LAMB4: variants seen among roughly 807,000 people sequenced by gnomAD.
The protein encoded by LAMB4 is laminin subunit beta 4, also known as laminin subunit beta-4.
A neutral mutation model predicts 199.2 loss-of-function variants in LAMB4; 196 were observed. That is an observed-to-expected ratio of 0.98 (90% CI 0.88 to 1.11). LAMB4 has a LOEUF of 1.11. LAMB4 is among the 50% of genes least tolerant of loss of function. The probability of loss-of-function intolerance (pLI) is 0.00; values close to 1 mark genes in which losing one functional copy is unlikely to be tolerated. For missense variants in LAMB4, 2,080 were observed against 2,171.2 expected (o/e 0.96, Z 0.83); for synonymous variants, 744 against 770.6 (o/e 0.97, Z 0.57).
intron 3 of LAMB4, among the ~76,000 whole-genome samples, chr7:108,114,887 C>T (rs17154998): frequency 0.054 from 8,268 of 152,196 alleles, 726 homozygotes; most frequent in African/African-American, 0.18. Flanking sequence ...GCCACTTATC[C>T]TTTTATAAAA....
Position 108,079,738 on chromosome 7 carries a change from C to T in LAMB4, c.1750G>A (p.Glu584Lys), listed in dbSNP as rs2150578811. 1 of 1,609,590 alleles carries T rather than the reference C, an allele frequency of 6.2e-7. No homozygotes were observed. The highest frequency in any genetic ancestry group is 2.2e-5 in the East Asian group (1 of 44,652). ...QSPAVHVVLG[E>K]PVPGNPVTWT... ...GTAACAGGGTTCCCAGGAACTGGCT[C>T]TCCTAAAACAACGTGAACAGCAGGA... The change falls in exon 15 of 34, where the codon GAG becomes AAG. Residue 584 changes from glutamate (E) to lysine (K), a missense_variant. Glu to Lys is a moderately conservative substitution (Grantham distance 56). Coordinates refer to ENST00000388781, the MANE Select transcript of LAMB4 (RefSeq NM_007356.3).
At position 108,116,156 on chromosome 7, in the gene LAMB4, G is replaced by A; in HGVS notation, c.40C>T (p.Leu14Phe). ...TCATCTTGAGCTTTTGAGTAACTGA[G>A]CCACCCTTGAACACAACAGAAATAG... is the stretch of plus-strand genomic sequence containing the variant. ...QLTLFLHLGWLSYSKAQDDCN... is the reference protein window; with the variant it reads ...QLTLFLHLGWFSYSKAQDDCN... Residue 14 changes from leucine (L) to phenylalanine (F), a missense_variant, in exon 3 of 34, where the codon CTC (leucine) becomes TTC (phenylalanine). By Grantham distance (22) the Leu-to-Phe change is conservative. Transcript: ENST00000388781. The A allele has an allele frequency of 6.2e-7, 1 of 1,613,700 alleles. No homozygotes were observed. The highest frequency in any genetic ancestry group is 1.7e-4 in the Middle Eastern group (1 of 6,056).
intron 1 of LAMB4, 132 bp from the exon 2 acceptor site, chr7:108,123,329 G>C: frequency 2.2e-6 from 1 of 445,904 alleles, no homozygotes; most frequent in Non-Finnish European, 4.0e-6. Flanking sequence ...ACACTGTCCA[G>C]ATCCTCAAAA....
At chr7:108,061,413 T>C (rs1280664677) in intron 23 of LAMB4, among the ~76,000 whole-genome samples, 1 of 152,146 alleles carries the variant, frequency 6.6e-6, no homozygotes, top group Non-Finnish European at 1.5e-5. Flanking sequence ...TTCACAAATA[T>C]ATTCTAAAAT....
chr7:108,081,269 C>T (rs868576092), intron 14 of LAMB4, among the ~76,000 whole-genome samples: 7 of 152,138 alleles, frequency 4.6e-5, no homozygotes, highest in Non-Finnish European at 1.0e-4. Context: ...GAGGATTGCT[C>T]TTTCACATCT....
At chr7:108,057,426 A>G (rs895742576) in intron 24 of LAMB4, among the ~76,000 whole-genome samples, 1 of 152,124 alleles carries the variant, frequency 6.6e-6, no homozygotes, top group Non-Finnish European at 1.5e-5. Context: ...AATGAGCAAT[A>G]TTTTTTAGCC....
intron 1 of LAMB4, among the ~76,000 whole-genome samples, chr7:108,129,242 C>G (rs2038898576): frequency 6.6e-6 from 1 of 152,198 alleles, no homozygotes; most frequent in African/African-American, 2.4e-5. Flanking sequence ...TTGATAAGAG[C>G]CTCTCCGCAG....
chr7:108,097,271 G>T (rs2037643485), intron 11 of LAMB4, among the ~76,000 whole-genome samples: 2 of 152,182 alleles, frequency 1.3e-5, no homozygotes, highest in South Asian at 4.1e-4. Flanking sequence ...TTTACCCAGG[G>T]TTTCTGAGGA....
chr7:108,034,077 CA>C, intron 31 of LAMB4, 130 bp downstream of exon 31: 1 of 909,926 alleles, frequency 1.1e-6, no homozygotes, highest in Non-Finnish European at 1.7e-6. Context: ...TAATACTACC[CA>C]AATCTTATTT....
At chr7:108,015,330 G>T in the LAMB4 span, among the ~76,000 whole-genome samples, 2 of 152,146 alleles carry the variant, frequency 1.3e-5, no homozygotes, top group Non-Finnish European at 2.9e-5. Context: ...CCCATGGTAC[G>T]AATCTTAGGA....
intron 1 of LAMB4, among the ~76,000 whole-genome samples, chr7:108,124,681 CATT>C (rs947855058): frequency 2.0e-5 from 3 of 151,862 alleles, no homozygotes; most frequent in South Asian, 2.1e-4. Flanking sequence ...AAAACAACCT[CATT>C]ATAATTTATT....
At chr7:108,026,743 A>T in intron 33 of LAMB4, 1 of 314,014 alleles carries the variant, frequency 3.2e-6, no homozygotes, top group South Asian at 2.7e-5. Context: ...TCCATTCCCC[A>T]CTCTCTCAAC....
At chr7:108,070,808 AC>A (rs905526306) in intron 17 of LAMB4, among the ~76,000 whole-genome samples, 1 of 152,058 alleles carries the variant, frequency 6.6e-6, no homozygotes. Context: ...GACACCCCTA[AC>A]CCCCAAATTG....
rs554895994 is a variant in LAMB4 at position 108,091,216 on chromosome 7, G to C, written c.1701+410C>G. 2.0e-5 allele frequency among the ~76,000 whole-genome samples: 3 copies of C among 152,176 alleles called. No individual in the cohort carries two copies. In the East Asian group the frequency reaches 5.8e-4, roughly 29 times the overall value. On this transcript the variant is annotated intron_variant, in intron 14 of 33. Transcript: ENST00000388781. The stretch of plus-strand genomic sequence containing the variant: ...AAGTTCCTACAGTGTGTCAGGCACT[G>C]TGCTAGGCGCTAGTGCAACAATGAT...
chr7:108,124,572 A>G (rs1163797994), intron 1 of LAMB4, among the ~76,000 whole-genome samples: 2 of 152,046 alleles, frequency 1.3e-5, no homozygotes, highest in African/African-American at 2.4e-5. Flanking sequence ...GTTTGTTCCA[A>G]TTTACACTCT....
At chr7:108,108,705 G>A (rs963918241) in intron 5 of LAMB4, among the ~76,000 whole-genome samples, 7 of 151,116 alleles carry the variant, frequency 4.6e-5, no homozygotes, top group South Asian at 2.1e-4. Flanking sequence ...TTACCAAAAC[G>A]AGCATAAAGT....
chr7:108,016,346 C>T, the LAMB4 span, among the ~76,000 whole-genome samples: 1 of 133,368 alleles, frequency 7.5e-6, no homozygotes, highest in African/African-American at 2.9e-5. Flanking sequence ...TGGAGTGCTG[C>T]GATCTCAGCT....
chr7:108,075,167 A>C (rs558348349), intron 17 of LAMB4, among the ~76,000 whole-genome samples: 3 of 152,286 alleles, frequency 2.0e-5, no homozygotes, highest in South Asian at 2.1e-4. Flanking sequence ...TTCTATTTAA[A>C]GTTCCTCAGT....
chr7:108,110,040 A>AT (rs1375783148), intron 4 of LAMB4, among the ~76,000 whole-genome samples: 5 of 152,272 alleles, frequency 3.3e-5, no homozygotes, highest in South Asian at 2.1e-4. Context: ...AAAATTAGTG[A>AT]TTTTTTAAAG....
Sources: gnomAD v4.1 joint callset for allele counts (sites outside exome capture counted in the v4.1 genomes callset) on GRCh38, gnomAD v4.1.1 for gene constraint, MANE v1.5 for transcripts, NCBI Gene and HGNC (gene_info 2026-07-23, HGNC 2026-07-21) for gene names.